The following BCL2L14 variants were observed in gnomAD, a reference collection of about 807,000 sequenced individuals.
BCL2L14 encodes apoptosis facilitator Bcl-2-like protein 14.
A neutral mutation model predicts 35.3 loss-of-function variants in BCL2L14; 27 were observed. The observed-to-expected ratio is 0.76, with a 90% CI of 0.56 to 1.05. The LOEUF (loss-of-function observed/expected upper bound fraction) is 1.05. Ranked by LOEUF, BCL2L14 falls within the 50% of genes least tolerant of loss-of-function variation. The probability of loss-of-function intolerance (pLI) is 0.00; values close to 1 mark genes in which losing one functional copy is unlikely to be tolerated. For synonymous variants in BCL2L14, 139 were observed against 145.9 expected (o/e 0.95, Z 0.34); for missense variants, 377 against 382.6 (o/e 0.99, Z 0.12).
chr12:12,050,702 G>C (rs1412384280), intron 1 of BCL2L14, among the ~76,000 whole-genome samples: 3 of 150,282 alleles, frequency 2.0e-5, no homozygotes, highest in South Asian at 2.1e-4. Context: ...ATTTACAGGG[G>C]TGTCCAATCT....
In BCL2L14 at chr12:12,061,687, C is replaced by A. The variant is rs113004774; in HGVS notation, c.-272+9840C>A. On this transcript the variant is annotated intron_variant, in intron 2 of 3. Coordinates refer to the BCL2L14 transcript ENST00000461264. ...CACCCTTCATCCTAGCCTCTCTTCGCTGTCACCTGGACTGACCCTGACACC... is the reference window on the plus strand; with the variant it reads ...CACCCTTCATCCTAGCCTCTCTTCGATGTCACCTGGACTGACCCTGACACC... Among the ~76,000 whole-genome samples the A allele has an allele frequency of 3.9e-3, 596 of 151,636 alleles. 1 individual carries two copies. Among genetic ancestry groups the A allele is most frequent in the African/African-American group, 0.014 (566 of 41,380 alleles).
rs1488737400 is a variant in BCL2L14 at position 12,087,219 on chromosome 12, A to C, written c.440A>C (p.Asp147Ala). Residue 147 changes from aspartate to alanine, a missense_variant, in exon 3 of 6, where the codon GAC becomes GCC. Asp to Ala is a moderately radical substitution (Grantham distance 126, BLOSUM62 -2). Coordinates refer to ENST00000308721, the MANE Select transcript of BCL2L14 (RefSeq NM_138723.2). ...VEQCLEHEAV[D>A]PKVISIANRV... ...CCATTTTGTCTTGTTTCAGCTGTGG[A>C]CCCCAAAGTCATTTCCATTGCCAAC... The C allele has an allele frequency of 1.2e-6, 2 of 1,613,920 alleles. No homozygotes were observed. Among genetic ancestry groups the C allele is most frequent in the Non-Finnish European group, 1.7e-6 (2 of 1,179,976 alleles).
intron 2 of BCL2L14, 129 bp from the exon 3 acceptor site, chr12:12,087,084 C>G: frequency 9.8e-7 from 1 of 1,018,726 alleles, no homozygotes; most frequent in East Asian, 2.4e-5. Context: ...GACCCTCCCC[C>G]AGCACACATA....
At chr12:12,052,713 T>C (rs1948375142) in intron 2 of BCL2L14, among the ~76,000 whole-genome samples, 1 of 152,198 alleles carries the variant, frequency 6.6e-6, no homozygotes, top group Non-Finnish European at 1.5e-5. Context: ...AACATACTGA[T>C]TTCAATGCCT....
intron 2 of BCL2L14, among the ~76,000 whole-genome samples, chr12:12,064,013 T>A (rs1182845285): frequency 1.3e-5 from 2 of 152,130 alleles, no homozygotes; most frequent in Non-Finnish European, 2.9e-5. Context: ...CCAGGTGAAA[T>A]AAACACCCAT....
chr12:12,062,900 T>A (rs1483101755), intron 2 of BCL2L14, among the ~76,000 whole-genome samples: 2 of 152,196 alleles, frequency 1.3e-5, no homozygotes, highest in African/African-American at 4.8e-5. Flanking sequence ...TAGAACAGAC[T>A]AAAGGTCTTT....
chr12:12,067,137 T>C (rs1948603719), upstream of BCL2L14, among the ~76,000 whole-genome samples: 1 of 152,158 alleles, frequency 6.6e-6, no homozygotes, highest in Non-Finnish European at 1.5e-5. Context: ...TGATCCCAGC[T>C]CACTGCAACC....
chr12:12,054,503 C>CG (rs1157343933), intron 2 of BCL2L14: 1 of 129,470 alleles, frequency 7.7e-6, no homozygotes. Flanking sequence ...GACTCCATCT[C>CG]GAAAAAAAAA....
At chr12:12,088,376 T>C (rs1949094086) in intron 3 of BCL2L14, among the ~76,000 whole-genome samples, 1 of 152,148 alleles carries the variant, frequency 6.6e-6, no homozygotes, top group Non-Finnish European at 1.5e-5. Context: ...CTCATCTTAT[T>C]ACGCAAGTGG....
chr12:12,075,970 A>C (rs1173035727), intron 1 of BCL2L14, among the ~76,000 whole-genome samples: 1 of 151,444 alleles, frequency 6.6e-6, no homozygotes, highest in African/African-American at 2.4e-5. Context: ...GGAGACACAT[A>C]ATGGTTGTCT....
At chr12:12,090,981 T>C in intron 4 of BCL2L14, 132 bp downstream of exon 4, 1 of 526,032 alleles carries the variant, frequency 1.9e-6, no homozygotes, top group African/African-American at 2.0e-5. Context: ...TAAATTTTAT[T>C]TCCCTTGGAG....
chr12:12,093,599 C>A (rs999358901), intron 4 of BCL2L14, among the ~76,000 whole-genome samples: 1 of 151,998 alleles, frequency 6.6e-6, no homozygotes, highest in Non-Finnish European at 1.5e-5. Context: ...TCAAGACCAG[C>A]CTTACCAACA....
chr12:12,083,375 T>C (rs2136757036), intron 2 of BCL2L14, among the ~76,000 whole-genome samples: 1 of 152,296 alleles, frequency 6.6e-6, no homozygotes, highest in Middle Eastern at 3.4e-3. Flanking sequence ...GACCAAACTC[T>C]GTTAGGAAGA....
intron 2 of BCL2L14, among the ~76,000 whole-genome samples, chr12:12,061,842 G>A (rs1484345321): frequency 2.6e-5 from 4 of 152,090 alleles, no homozygotes; most frequent in Admixed American, 6.5e-5. Flanking sequence ...AAAAACACAC[G>A]TGCTCTCCCT....
intron 1 of BCL2L14, among the ~76,000 whole-genome samples, chr12:12,077,283 T>C (rs969421457): frequency 6.6e-6 from 1 of 152,160 alleles, no homozygotes; most frequent in Non-Finnish European, 1.5e-5. Context: ...AGCTCATGGC[T>C]GTAATCTCAG....
chr12:12,061,640 T>C (rs565264868), intron 2 of BCL2L14, among the ~76,000 whole-genome samples: 1 of 152,180 alleles, frequency 6.6e-6, no homozygotes, highest in African/African-American at 2.4e-5. Context: ...ATCTCAAACA[T>C]GCTTTCTTTA....
chr12:12,078,871 A>G (rs1049461618), intron 1 of BCL2L14, among the ~76,000 whole-genome samples: 7 of 152,106 alleles, frequency 4.6e-5, no homozygotes, highest in Admixed American at 6.5e-5. Context: ...ATCTCAGCTC[A>G]CTACAACCCC....
At position 12,079,294 on chromosome 12, in the gene BCL2L14, T is replaced by G; in HGVS notation, c.-7-5T>G. The G allele has an allele frequency of 6.2e-7, 1 of 1,609,004 alleles. No homozygotes were observed. Among genetic ancestry groups the G allele is most frequent in the South Asian group, 1.1e-5 (1 of 89,918 alleles). On this transcript the variant is annotated splice_polypyrimidine_tract_variant and splice_region_variant and intron_variant, in intron 1 of 5. Transcript: ENST00000308721. The stretch of plus-strand genomic sequence containing the variant: ...AAGGGCACAGTGTGGACTTTGTTGT[T>G]ACAGGCCCAACATGTGTAGCACCAG...
intron 1 of BCL2L14, chr12:12,071,637 C>G (rs1356578319): frequency 2.0e-5 from 3 of 152,254 alleles, no homozygotes; most frequent in East Asian, 3.9e-4. Flanking sequence ...CCAGAGAATT[C>G]CTTGAGTCTA....
Sources: gnomAD v4.1 joint callset for allele counts (sites outside exome capture counted in the v4.1 genomes callset) on GRCh38, gnomAD v4.1.1 for gene constraint, MANE v1.5 for transcripts, NCBI Gene and HGNC (gene_info 2026-07-23, HGNC 2026-07-21) for gene names.